Variants in ARHGAP22 observed in about 807,000 individuals in gnomAD.
The protein encoded by ARHGAP22 is rho GTPase-activating protein 22.
A neutral mutation model predicts 59.1 loss-of-function variants in ARHGAP22; 48 were observed. That is an observed-to-expected ratio of 0.81 (90% CI 0.64 to 1.03). The LOEUF is 1.03. Ranked by LOEUF, ARHGAP22 falls within the 50% of genes least tolerant of loss-of-function variation. ARHGAP22 has a pLI of 0.00. For missense variants in ARHGAP22, 1,015 were observed against 958.7 expected (o/e 1.06, Z -0.78); for synonymous variants, 445 against 416.4 (o/e 1.07, Z -0.84).
chr10:48,511,302 G>A (rs1291389405), intron 3 of ARHGAP22, among the ~76,000 whole-genome samples: 1 of 152,210 alleles, frequency 6.6e-6, no homozygotes, highest in African/African-American at 2.4e-5. Context: ...ATGAGACTGC[G>A]GCCCAGAGAG....
At chr10:48,631,338 C>A (rs1280790707) in intron 1 of ARHGAP22, among the ~76,000 whole-genome samples, 1 of 152,124 alleles carries the variant, frequency 6.6e-6, no homozygotes, top group Non-Finnish European at 1.5e-5. Flanking sequence ...GAAACTGTTA[C>A]CTCCATTTTT....
At chr10:48,640,012 C>A (rs2061979412) in intron 1 of ARHGAP22, among the ~76,000 whole-genome samples, 1 of 152,056 alleles carries the variant, frequency 6.6e-6, no homozygotes, top group African/African-American at 2.4e-5. Flanking sequence ...TAGAGAATTT[C>A]AATGAGATAG....
intron 1 of ARHGAP22, among the ~76,000 whole-genome samples, chr10:48,636,379 G>A (rs2061817732): frequency 6.6e-6 from 1 of 152,196 alleles, no homozygotes; most frequent in Non-Finnish European, 1.5e-5. Flanking sequence ...GGGTGAGCAG[G>A]ATGGAGGCCT....
exon 1 of ARHGAP22, chr10:48,652,275 G>C: frequency 6.5e-7 from 1 of 1,535,714 alleles, no homozygotes; most frequent in Non-Finnish European, 8.7e-7. Flanking sequence ...GCTGGAAGCT[G>C]TCGGCAGCAT....
intron 1 of ARHGAP22, among the ~76,000 whole-genome samples, chr10:48,619,821 A>G (rs1010880873): frequency 6.6e-6 from 1 of 152,210 alleles, no homozygotes; most frequent in Non-Finnish European, 1.5e-5. Flanking sequence ...TCAAACACAA[A>G]GGCAGCAGAA....
intron 3 of ARHGAP22, among the ~76,000 whole-genome samples, chr10:48,482,646 G>A (rs1368208127): frequency 1.3e-5 from 2 of 151,834 alleles, no homozygotes; most frequent in Non-Finnish European, 2.9e-5. Context: ...TTTGCTGAGA[G>A]GTTTTTTTTA....
intron 3 of ARHGAP22, among the ~76,000 whole-genome samples, chr10:48,511,224 T>C (rs776410421): frequency 5.9e-5 from 9 of 152,176 alleles, no homozygotes; most frequent in Non-Finnish European, 1.0e-4. Context: ...ACGCACATCC[T>C]GCACAAGTCC....
intron 3 of ARHGAP22, among the ~76,000 whole-genome samples, chr10:48,485,827 A>T (rs1298183016): frequency 6.6e-6 from 1 of 152,146 alleles, no homozygotes; most frequent in Non-Finnish European, 1.5e-5. Flanking sequence ...TCTTTTGATT[A>T]GTGTCAGTAT....
At chr10:48,613,229 C>G (rs1358345933) in intron 1 of ARHGAP22, among the ~76,000 whole-genome samples, 1 of 152,130 alleles carries the variant, frequency 6.6e-6, no homozygotes, top group Non-Finnish European at 1.5e-5. Context: ...TACTCATCAT[C>G]ATGATATGGC....
intron 2 of ARHGAP22, among the ~76,000 whole-genome samples, chr10:48,571,714 G>A (rs772003310): frequency 6.6e-6 from 1 of 152,320 alleles, no homozygotes; most frequent in South Asian, 2.1e-4. Context: ...AGGGATCAGT[G>A]GATGTTTCTT....
chr10:48,515,359 T>G (rs11101358), intron 3 of ARHGAP22, among the ~76,000 whole-genome samples: 36,086 of 152,056 alleles, frequency 0.24, 4,383 homozygotes, highest in South Asian at 0.33. Flanking sequence ...CATTTTATAA[T>G]GATAAAAGGG....
intron 3 of ARHGAP22, among the ~76,000 whole-genome samples, chr10:48,505,086 C>T (rs537460271): frequency 2.0e-5 from 3 of 152,322 alleles, no homozygotes; most frequent in Admixed American, 6.5e-5. Context: ...CAAAGTCTCG[C>T]TCTATTGCCC....
intron 2 of ARHGAP22, among the ~76,000 whole-genome samples, chr10:48,580,246 C>CT (rs1244072864): frequency 3.3e-5 from 5 of 152,156 alleles, no homozygotes; most frequent in Non-Finnish European, 5.9e-5. Context: ...TCCATGCCTC[C>CT]ATTTTATTAG....
chr10:48,446,551 T>C lies in ARHGAP22; in HGVS notation c.1937A>G (p.Lys646Arg), dbSNP rs760805908. ...TATTTCCAGCATGATGTATTTTTTC[T>C]TTTCCTGGTCCAGTTCTTCTTCTAA... ...SRLEEELDQE[K>R]KKYIMLEIKL... The change falls in exon 10 of 10, where the codon AAG becomes AGG. Residue 646 changes from lysine (K) to arginine (R), a missense_variant. Transcript: ENST00000249601. 1.7e-5 allele frequency: 28 copies of C among 1,614,250 alleles called. No homozygotes were observed. Among genetic ancestry groups the C allele is most frequent in the Non-Finnish European group, 2.1e-5 (25 of 1,180,052 alleles).
chr10:48,469,179 T>C (rs1277239478), intron 4 of ARHGAP22, among the ~76,000 whole-genome samples: 2 of 152,172 alleles, frequency 1.3e-5, no homozygotes, highest in Non-Finnish European at 2.9e-5. Flanking sequence ...CCTCCACCCC[T>C]ACCCAGGAGC....
chr10:48,441,450 C>T (rs1265789301), downstream of ARHGAP22, among the ~76,000 whole-genome samples: 1 of 140,630 alleles, frequency 7.1e-6, no homozygotes, highest in African/African-American at 2.8e-5. Context: ...AAACCAAAGG[C>T]ATTTTTTTTT....
At chr10:48,576,029 AC>A (rs1240265758) in intron 2 of ARHGAP22, among the ~76,000 whole-genome samples, 15 of 152,308 alleles carry the variant, frequency 9.8e-5, no homozygotes, top group Admixed American at 9.8e-4. Context: ...ATCGCAGCCC[AC>A]GAAGTGAGGA....
chr10:48,525,910 T>G (rs2054283192), intron 3 of ARHGAP22, among the ~76,000 whole-genome samples: 1 of 152,182 alleles, frequency 6.6e-6, no homozygotes, highest in Admixed American at 6.5e-5. Flanking sequence ...GAAAGCATAA[T>G]CAGGTATTAT....
chr10:48,529,797 C>A (rs1200831472), intron 3 of ARHGAP22, among the ~76,000 whole-genome samples: 1 of 152,114 alleles, frequency 6.6e-6, no homozygotes, highest in Admixed American at 6.5e-5. Flanking sequence ...AAAAATAAAG[C>A]CAAATACTTA....
Sources: allele counts gnomAD v4.1 joint callset (sites outside exome capture counted in the v4.1 genomes callset), GRCh38; gene constraint gnomAD v4.1.1; transcripts MANE v1.5; gene names NCBI Gene and HGNC (gene_info 2026-07-23, HGNC 2026-07-21).